Variants in MBD5 observed in about 807,000 individuals in gnomAD.
MBD5 encodes the protein methyl-CpG-binding domain protein 5.
Under a neutral mutation model 117.3 loss-of-function variants are expected in MBD5, and 13 were observed. The observed-to-expected ratio is 0.11, with a 90% CI of 0.07 to 0.18. The LOEUF is 0.18. MBD5 is among the 10% of genes least tolerant of loss of function. MBD5 has a pLI of 1.00. For synonymous variants in MBD5, 727 were observed against 766.4 expected (o/e 0.95, Z 0.85); for missense variants, 1,879 against 2,093.8 (o/e 0.90, Z 2.00).
At chr2:148,379,319 C>T (rs191697533) in intron 4 of MBD5, among the ~76,000 whole-genome samples, 1 of 152,128 alleles carries the variant, frequency 6.6e-6, no homozygotes, top group East Asian at 1.9e-4. Flanking sequence ...ACAGACTTCT[C>T]AACAGCAATA....
At chr2:148,332,997 G>A (rs1702698654) in intron 3 of MBD5, among the ~76,000 whole-genome samples, 1 of 151,864 alleles carries the variant, frequency 6.6e-6, no homozygotes, top group Non-Finnish European at 1.5e-5. Context: ...AGGGAGATCT[G>A]ACCTTTCTAT....
chr2:148,512,826 C>CA (rs1385275229), intron 13 of MBD5, 44 bp from the exon 14 acceptor site: 1 of 1,549,308 alleles, frequency 6.5e-7, no homozygotes, highest in African/African-American at 1.4e-5. Context: ...TTTGTGATTT[C>CA]ATCCTCTGTT....
chr2:148,267,932 C>T (rs995409586), intron 3 of MBD5, among the ~76,000 whole-genome samples: 10 of 149,882 alleles, frequency 6.7e-5, no homozygotes, highest in South Asian at 2.1e-4. Flanking sequence ...TTTTCTCTCT[C>T]GCTCTCTTTT....
At chr2:148,385,047 A>C (rs6758931) in intron 4 of MBD5, among the ~76,000 whole-genome samples, 76,135 of 151,886 alleles carry the variant, frequency 0.5, 19,371 homozygotes, top group East Asian at 0.75. Context: ...CAGGACATAG[A>C]CATGGGCAAG....
At chr2:148,330,117 A>ACACACACACACACACACT (rs1247250428) in intron 3 of MBD5, among the ~76,000 whole-genome samples, 1 of 133,526 alleles carries the variant, frequency 7.5e-6, no homozygotes, top group Non-Finnish European at 1.6e-5. Flanking sequence ...ACACACACAC[A>ACACACACACACACACACT]CTCTACCTTA....
chr2:148,135,830 C>T (rs939074556), intron 1 of MBD5, among the ~76,000 whole-genome samples: 17 of 152,172 alleles, frequency 1.1e-4, no homozygotes, highest in Non-Finnish European at 2.4e-4. Flanking sequence ...AAGTCTTCCA[C>T]AAACACCAGA....
At chr2:148,087,306 G>A (rs73007156) in intron 1 of MBD5, among the ~76,000 whole-genome samples, 8,029 of 152,206 alleles carry the variant, frequency 0.053, 241 homozygotes, top group African/African-American at 0.078. Flanking sequence ...CAACAACCCC[G>A]CTCCAAGGAA....
At chr2:148,322,752 A>C (rs1174736856) in intron 3 of MBD5, among the ~76,000 whole-genome samples, 1 of 152,190 alleles carries the variant, frequency 6.6e-6, no homozygotes, top group East Asian at 1.9e-4. Flanking sequence ...ATGTCATCTA[A>C]AACTAAGTTT....
In MBD5 at chr2:148,021,515, T is replaced by C. The variant is rs1026270950; in HGVS notation, c.-1094T>C. ...CTGCTGCTACTGCTGCTGCTGCTAC[T>C]GCTGCTGCTTGGCCCTGGCTGGAGA... is the stretch of plus-strand genomic sequence containing the variant. On this transcript the variant is annotated 5_prime_UTR_variant, in exon 1 of 14. Coordinates refer to ENST00000642680, the MANE Select transcript of MBD5 (RefSeq NM_001378120.1). 5 of 573,494 alleles carry C rather than the reference T, an allele frequency of 8.7e-6. No homozygotes were observed. Among genetic ancestry groups the C allele is most frequent in the African/African-American group, 7.6e-5 (4 of 52,948 alleles). 35.5% of individuals were successfully genotyped at this position (573,494 alleles called of 1,614,324 possible). A position where few individuals can be genotyped will look rare whatever the true frequency, so the allele number is the denominator to read the frequency against.
intron 7 of MBD5, among the ~76,000 whole-genome samples, chr2:148,467,823 A>T (rs1219672752): frequency 1.3e-5 from 2 of 152,228 alleles, no homozygotes; most frequent in African/African-American, 4.8e-5. Context: ...GTAAGATAAC[A>T]AACATTTTGT....
intron 4 of MBD5, among the ~76,000 whole-genome samples, chr2:148,423,754 G>A (rs1574408492): frequency 6.6e-6 from 1 of 152,148 alleles, no homozygotes; most frequent in South Asian, 2.1e-4. Context: ...ACACAGACTG[G>A]CAAATTGGAT....
At chr2:148,411,319 T>C (rs762608595) in intron 4 of MBD5, among the ~76,000 whole-genome samples, 3 of 152,130 alleles carry the variant, frequency 2.0e-5, no homozygotes, top group Non-Finnish European at 4.4e-5. Context: ...TGCGTCCGTG[T>C]GTCTTTATGA....
chr2:148,288,909 T>C (rs1201070758), intron 3 of MBD5, among the ~76,000 whole-genome samples: 1 of 152,210 alleles, frequency 6.6e-6, no homozygotes, highest in Non-Finnish European at 1.5e-5. Context: ...GTTCTGTAAT[T>C]AATAAATCTT....
intron 1 of MBD5, among the ~76,000 whole-genome samples, chr2:148,108,990 G>T (rs1185507905): frequency 6.6e-6 from 1 of 152,186 alleles, no homozygotes; most frequent in Non-Finnish European, 1.5e-5. Flanking sequence ...AAGGGATGGA[G>T]GGAGGGAAAC....
intron 1 of MBD5, among the ~76,000 whole-genome samples, chr2:148,155,794 T>A (rs1211692538): frequency 6.6e-6 from 1 of 152,232 alleles, no homozygotes; most frequent in Non-Finnish European, 1.5e-5. Flanking sequence ...AACTGGTTTA[T>A]AGAGACTGTT....
At chr2:148,152,391 G>A (rs149233400) in intron 1 of MBD5, among the ~76,000 whole-genome samples, 3,979 of 152,142 alleles carry the variant, frequency 0.026, 99 homozygotes, top group African/African-American at 0.067. Flanking sequence ...GGTGTGGTGC[G>A]GTGCTGAAAA....
intron 4 of MBD5, among the ~76,000 whole-genome samples, chr2:148,441,568 A>G (rs1179744527): frequency 6.6e-6 from 1 of 152,288 alleles, no homozygotes; most frequent in East Asian, 1.9e-4. Context: ...GTAAACATAC[A>G]TGTGCATGTG....
At chr2:148,416,429 G>A (rs1705420121) in intron 4 of MBD5, among the ~76,000 whole-genome samples, 1 of 152,062 alleles carries the variant, frequency 6.6e-6, no homozygotes, top group African/African-American at 2.4e-5. Flanking sequence ...CAGAATCCAT[G>A]CTCACTCACA....
chr2:148,021,610 C>T lies in MBD5; in HGVS notation c.-999C>T. ...TCCTCCTTCGCCTCCTCCTCCTCCACTCCCCCCCTTTATTACCCTTTGTGT... is the reference window on the plus strand; with the variant it reads ...TCCTCCTTCGCCTCCTCCTCCTCCATTCCCCCCCTTTATTACCCTTTGTGT... On this transcript the variant is annotated 5_prime_UTR_variant, in exon 1 of 14. Transcript: ENST00000642680. The T allele has an allele frequency of 4.2e-6, 2 of 476,934 alleles. No individual in the cohort carries two copies. The highest frequency in any genetic ancestry group is 1.7e-5 in the South Asian group (1 of 58,820). The allele number at this position is 476,934 out of a possible 1,614,324, so 29.5% of individuals were successfully genotyped here.
Sources: allele counts gnomAD v4.1 joint callset (sites outside exome capture counted in the v4.1 genomes callset), GRCh38; gene constraint gnomAD v4.1.1; transcripts MANE v1.5; gene names NCBI Gene and HGNC (gene_info 2026-07-23, HGNC 2026-07-21).